RFWD3: variants seen among roughly 807,000 people sequenced by gnomAD.
RFWD3 encodes the protein E3 ubiquitin-protein ligase RFWD3.
In RFWD3, 65 loss-of-function variants were observed where a neutral mutation model predicts 87.7. That is an observed-to-expected ratio of 0.74 (90% CI 0.61 to 0.91). RFWD3 has a LOEUF of 0.91. RFWD3 is among the 40% of genes least tolerant of loss of function. The pLI is 0.00. For synonymous variants in RFWD3, 433 were observed against 352.8 expected, an observed-to-expected ratio of 1.23 and a Z score of -2.55; for missense variants, 1,078 against 938.5, an observed-to-expected ratio of 1.15 and a Z score of -1.94.
At chr16:74,646,356 A>G (rs142915660) in intron 4 of RFWD3, among the ~76,000 whole-genome samples, 13 of 152,328 alleles carry the variant, frequency 8.5e-5, no homozygotes, top group African/African-American at 2.9e-4. Context: ...AGCATGAGGG[A>G]CAGAATGAGA....
intron 8 of RFWD3, among the ~76,000 whole-genome samples, chr16:74,632,931 T>C (rs1367325982): frequency 1.3e-5 from 2 of 152,084 alleles, no homozygotes; most frequent in African/African-American, 2.4e-5. Context: ...CCTCCCAAAG[T>C]GCTGGGATTA....
intron 2 of RFWD3, chr16:74,660,662 T>C (rs894762164): frequency 3.1e-6 from 1 of 325,892 alleles, no homozygotes; most frequent in African/African-American, 2.1e-5. Flanking sequence ...GAAAGAATTT[T>C]TGGTGTACAA....
chr16:74,650,963 A>G (rs1319738531), intron 3 of RFWD3, among the ~76,000 whole-genome samples: 1 of 150,104 alleles, frequency 6.7e-6, no homozygotes, highest in Non-Finnish European at 1.5e-5. Context: ...ACAGGAAGGC[A>G]AAATATTAAT....
Position 74,624,017 on chromosome 16 carries a change from C to T in RFWD3, c.2236G>A (p.Val746Met), listed in dbSNP as rs1425821901. The T allele has an allele frequency of 1.2e-6, 2 of 1,613,988 alleles. No homozygotes were observed. Among genetic ancestry groups the T allele is most frequent in the Non-Finnish European group, 1.7e-6 (2 of 1,180,018 alleles). Residue 746 changes from valine to methionine, a missense_variant, in exon 13 of 13, where the codon GTG becomes ATG. By Grantham distance (21) the Val-to-Met change is conservative. Transcript: ENST00000361070. Reference protein sequence around the residue: ...LLQDLQTDQPVLDICPFEVNR... With the variant: ...LLQDLQTDQPMLDICPFEVNR... ...ACCTCAAATGGGCAGATGTCCAACA[C>T]AGGCTGATCGGTCTGTAGGTCCTGG...
Position 74,644,534 on chromosome 16 carries a change from T to C in RFWD3, c.987+7A>G. ...CATGTTAATGTGTCCTTACCTATGG[T>C]CCTTACCTGGGGACATTTTCGTACT... On this transcript the variant is annotated splice_region_variant and intron_variant, in intron 5 of 12. Coordinates refer to ENST00000361070, the MANE Select transcript of RFWD3 (RefSeq NM_018124.4). 1 of 1,614,162 alleles carries C rather than the reference T, an allele frequency of 6.2e-7. No homozygotes were observed. Among genetic ancestry groups the C allele is most frequent in the East Asian group, 2.2e-5 (1 of 44,886 alleles).
intron 2 of RFWD3, among the ~76,000 whole-genome samples, chr16:74,659,615 A>G (rs1174580672): frequency 6.7e-6 from 1 of 149,812 alleles, no homozygotes; most frequent in Admixed American, 6.6e-5. Context: ...AAAAAAACCC[A>G]GAGTAATATG....
At chr16:74,657,378 T>C (rs1344526411) in intron 2 of RFWD3, among the ~76,000 whole-genome samples, 1 of 152,162 alleles carries the variant, frequency 6.6e-6, no homozygotes, top group Non-Finnish European at 1.5e-5. Context: ...AAAAAGTTGA[T>C]CCTGACAAAT....
intron 12 of RFWD3, among the ~76,000 whole-genome samples, chr16:74,624,476 A>G (rs1958862865): frequency 6.6e-6 from 1 of 152,194 alleles, no homozygotes; most frequent in Non-Finnish European, 1.5e-5. Context: ...GCTTACTGCA[A>G]CATCTGCCTC....
rs1961828374 is a variant in RFWD3 at position 74,665,705 on chromosome 16, A to G, written c.-3+1081T>C. 2.6e-5 allele frequency among the ~76,000 whole-genome samples: 4 copies of G among 151,692 alleles called. No individual in the cohort carries two copies. In the South Asian group the frequency reaches 8.3e-4, roughly 32 times the overall value. On this transcript the variant is annotated intron_variant, in intron 1 of 12. Coordinates refer to ENST00000361070, the MANE Select transcript of RFWD3 (RefSeq NM_018124.4). ...GGCCCGGGAGTTCGAGACTGCAGTG[A>G]GCTCTTCCAGCCTGGGTGCAACAGG...
chr16:74,630,102 T>A (rs1184169913), intron 10 of RFWD3, among the ~76,000 whole-genome samples: 1 of 152,086 alleles, frequency 6.6e-6, no homozygotes, highest in Non-Finnish European at 1.5e-5. Flanking sequence ...TGTGGCTATT[T>A]TTTTTTTTCT....
chr16:74,665,941 G>A (rs1269273261), intron 1 of RFWD3, among the ~76,000 whole-genome samples: 3 of 151,906 alleles, frequency 2.0e-5, no homozygotes, highest in South Asian at 2.1e-4. Context: ...CAGGTGATCC[G>A]ACTGCCTCGG....
At chr16:74,666,266 T>C (rs1362033090) in intron 1 of RFWD3, 5 of 152,244 alleles carry the variant, frequency 3.3e-5, no homozygotes, top group Non-Finnish European at 5.9e-5. Context: ...TTTTACTACA[T>C]GGGGAAACTT....
chr16:74,660,111 C>T (rs537490857), intron 2 of RFWD3, among the ~76,000 whole-genome samples: 13 of 152,224 alleles, frequency 8.5e-5, no homozygotes, highest in African/African-American at 2.9e-4. Context: ...TTCGTCGAAG[C>T]TTCCTCCATC....
intron 1 of RFWD3, chr16:74,666,221 G>GATTC (rs1295319896): frequency 7.4e-6 from 1 of 135,750 alleles, no homozygotes; most frequent in African/African-American, 3.3e-5. Flanking sequence ...TAGATAGATA[G>GATTC]ATTGATTAGA....
chr16:74,644,835 T>C (rs1959994595), intron 4 of RFWD3, 100 bp from the exon 5 acceptor site: 3 of 1,105,710 alleles, frequency 2.7e-6, no homozygotes, highest in Non-Finnish European at 3.9e-6. Context: ...AAAAAAATGA[T>C]ACAATCAAAA....
At chr16:74,660,406 T>C (rs893245036) in intron 2 of RFWD3, among the ~76,000 whole-genome samples, 3 of 152,140 alleles carry the variant, frequency 2.0e-5, no homozygotes, top group Non-Finnish European at 4.4e-5. Flanking sequence ...TGAGCAAAGA[T>C]TGTGCCACGG....
chr16:74,661,244 AG>A lies in RFWD3; in HGVS notation c.205del (p.Leu69CysfsTer12). 6.2e-7 allele frequency: 1 copy of A among 1,614,194 alleles called. No homozygotes were observed. The highest frequency in any genetic ancestry group is 8.5e-7 in the Non-Finnish European group (1 of 1,180,028). On this transcript the variant is annotated frameshift_variant, in exon 2 of 13. Transcript: ENST00000361070. LOFTEE classifies it high-confidence loss of function. ...AGACAGTTGCGGAGCAGGCTGGAGCAGGGGTGGTGTCGCTTGGCTGCTGATC... is the reference window on the plus strand; with the variant it reads ...AGACAGTTGCGGAGCAGGCTGGAGCAGGGTGGTGTCGCTTGGCTGCTGATC... Reference protein sequence around the residue: ...EVISSQATPPLLQPAPQLSVD... With the variant: ...EVISSQATPPXLQPAPQLSVD...
chr16:74,632,789 C>A, intron 8 of RFWD3, 116 bp from the exon 9 acceptor site: 2 of 907,214 alleles, frequency 2.2e-6, no homozygotes, highest in Non-Finnish European at 1.6e-6. Context: ...TCCTTGGGAA[C>A]CAGCTGGTCA....
intron 4 of RFWD3, among the ~76,000 whole-genome samples, chr16:74,646,507 G>A (rs780002331): frequency 2.0e-5 from 3 of 152,114 alleles, no homozygotes; most frequent in African/African-American, 4.8e-5. Context: ...GAATTAATTC[G>A]CTGGGCGCAG....
Sources: allele counts gnomAD v4.1 joint callset (sites outside exome capture counted in the v4.1 genomes callset), GRCh38; gene constraint gnomAD v4.1.1; transcripts MANE v1.5; gene names NCBI Gene and HGNC (gene_info 2026-07-23, HGNC 2026-07-21).